Variants in KDM5B observed in about 807,000 individuals in gnomAD.
KDM5B encodes the protein lysine demethylase 5B, also known as lysine-specific demethylase 5B.
In KDM5B, 144 loss-of-function variants were observed where a neutral mutation model predicts 193.4. The ratio of observed to expected loss-of-function variants is 0.74; its 90% CI spans 0.65 to 0.86. The LOEUF is 0.86. Among genes scored for constraint, KDM5B ranks in the 40% least tolerant of loss-of-function variants. The pLI is 0.00. For synonymous variants in KDM5B, 668 were observed against 682.6 expected (o/e 0.98, Z 0.33); for missense variants, 1,833 against 1,886.9 (o/e 0.97, Z 0.53).
At chr1:202,738,442 T>C (rs918389170) in intron 20 of KDM5B, among the ~76,000 whole-genome samples, 1 of 152,228 alleles carries the variant, frequency 6.6e-6, no homozygotes, top group African/African-American at 2.4e-5. Context: ...TTTATGTCCA[T>C]AGTAAATACT....
At chr1:202,765,170 G>C (rs1266766032) in intron 5 of KDM5B, among the ~76,000 whole-genome samples, 1 of 152,112 alleles carries the variant, frequency 6.6e-6, no homozygotes, top group Non-Finnish European at 1.5e-5. Flanking sequence ...AGGTCTGTCA[G>C]TATTTACAGA....
At position 202,785,603 on chromosome 1, in the gene KDM5B, A is replaced by T. The variant is rs188068855; in HGVS notation, c.205-8509T>A. On this transcript the variant is annotated intron_variant, in intron 1 of 26. Transcript: ENST00000367265. Reference sequence around the variant, plus strand: ...CCTCAGACAACATTTACTTTATTTAAGTAAATGGTCAAAAAATATTAGTTT... The same window carrying T: ...CCTCAGACAACATTTACTTTATTTATGTAAATGGTCAAAAAATATTAGTTT... 5.9e-5 allele frequency among the ~76,000 whole-genome samples: 9 copies of T among 152,332 alleles called. No individual in the cohort carries two copies. The South Asian group carries it at 6.2e-4, about 11-fold the overall frequency.
At chr1:202,783,978 G>C (rs1181666804) in intron 1 of KDM5B, among the ~76,000 whole-genome samples, 1 of 152,150 alleles carries the variant, frequency 6.6e-6, no homozygotes, top group Middle Eastern at 3.2e-3. Context: ...ATCCTCAGAG[G>C]CCTGAGAAAC....
chr1:202,806,786 G>A (rs925275608), intron 1 of KDM5B: 4 of 152,138 alleles, frequency 2.6e-5, no homozygotes, highest in African/African-American at 9.7e-5. Flanking sequence ...GGGAGAAAGG[G>A]GTGGGAAGGG....
At chr1:202,761,560 T>C (rs967880571) in intron 7 of KDM5B, among the ~76,000 whole-genome samples, 1 of 152,190 alleles carries the variant, frequency 6.6e-6, no homozygotes, top group African/African-American at 2.4e-5. Context: ...ACTCACATGT[T>C]GAAGTCCTAA....
intron 5 of KDM5B, chr1:202,766,517 A>AG: frequency 2.3e-6 from 1 of 437,674 alleles, no homozygotes; most frequent in Non-Finnish European, 4.5e-6. Context: ...AAAAAAAAAA[A>AG]AAGAAGTCTG....
chr1:202,778,680 TGAC>T (rs1558509055), intron 1 of KDM5B, among the ~76,000 whole-genome samples: 1 of 152,226 alleles, frequency 6.6e-6, no homozygotes, highest in African/African-American at 2.4e-5. Flanking sequence ...TGGAGTACAA[TGAC>T]GTGACCTCAG....
At chr1:202,770,726 T>A (rs1656678084) in intron 4 of KDM5B, among the ~76,000 whole-genome samples, 1 of 152,186 alleles carries the variant, frequency 6.6e-6, no homozygotes, top group African/African-American at 2.4e-5. Context: ...AACAGTACAC[T>A]TGAATTTGTG....
chr1:202,766,506 T>TAAA (rs747461789), intron 5 of KDM5B: 32 of 394,218 alleles, frequency 8.1e-5, no homozygotes, highest in East Asian at 4.0e-4. Flanking sequence ...ACTCTGTCTC[T>TAAA]AAAAAAAAAA....
intron 20 of KDM5B, among the ~76,000 whole-genome samples, chr1:202,738,850 A>G (rs1354643172): frequency 6.6e-6 from 1 of 152,228 alleles, no homozygotes; most frequent in East Asian, 1.9e-4. Flanking sequence ...TTGTACCTTA[A>G]CAATGCTACA....
chr1:202,769,028 TTC>T (rs1307284844), intron 4 of KDM5B, among the ~76,000 whole-genome samples: 1 of 145,984 alleles, frequency 6.9e-6, no homozygotes, highest in East Asian at 2.0e-4. Context: ...GCCTATTATA[TTC>T]TTTTTTTTTC....
chr1:202,731,035 C>T lies in KDM5B; in HGVS notation c.4050G>A (p.Leu1350=). 4.3e-6 allele frequency: 7 copies of T among 1,612,930 alleles called. No homozygotes were observed. Among genetic ancestry groups the T allele is most frequent in the Non-Finnish European group, 5.9e-6 (7 of 1,179,334 alleles). Residue 1350 remains leucine (L), a synonymous_variant, in exon 25 of 27, where the codon TTG becomes TTA. Coordinates refer to ENST00000367265, the MANE Select transcript of KDM5B (RefSeq NM_006618.5). ...ATACCTGGAGCAGCTGGGCTTCCAT[C>T]AATAGTTCATTCACTTCTGGACTAA... The part of the protein sequence containing the change: ...HGVSPEVNEL[L]MEAQLLQVSL...
intron 11 of KDM5B, among the ~76,000 whole-genome samples, chr1:202,754,528 AAG>A (rs1655932881): frequency 6.6e-6 from 1 of 152,084 alleles, no homozygotes; most frequent in South Asian, 2.1e-4. Context: ...AACACAACAA[AAG>A]AGAGGCTAGT....
At chr1:202,785,651 C>G (rs1474196294) in intron 1 of KDM5B, among the ~76,000 whole-genome samples, 1 of 152,138 alleles carries the variant, frequency 6.6e-6, no homozygotes. Flanking sequence ...GTGGCTCACG[C>G]CTGTAATCTC....
Position 202,728,759 on chromosome 1 carries a change from A to C in KDM5B, c.*277T>G, listed in dbSNP as rs143095208. On this transcript the variant is annotated 3_prime_UTR_variant, in exon 27 of 27. Transcript: ENST00000367265. ...AGGTGCAAGCTTCAATGCCTTCCAA[A>C]TTGGTGGGAACCCCTGCAAAAAAAA... 5.3e-4 allele frequency: 173 copies of C among 328,912 alleles called. No individual in the cohort carries two copies. The highest frequency in any genetic ancestry group is 3.4e-3 in the African/African-American group (164 of 47,832). The allele number at this position is 328,912 out of a possible 1,614,324, so 20.4% of individuals were successfully genotyped here.
chr1:202,766,637 G>A (rs1558501387), intron 5 of KDM5B: 2 of 474,560 alleles, frequency 4.2e-6, no homozygotes, highest in Admixed American at 3.6e-5. Flanking sequence ...TGAGGGTAAT[G>A]GGCAATCCAA....
At chr1:202,776,238 T>G (rs1006712206) in intron 2 of KDM5B, 2 of 151,904 alleles carry the variant, frequency 1.3e-5, no homozygotes, top group Admixed American at 6.6e-5. Flanking sequence ...ACAAAAAAAG[T>G]AAAAATTTTA....
In KDM5B at chr1:202,808,112, C is replaced by A; in HGVS notation, c.194G>T (p.Arg65Leu). ...IAEQTGICKV[R>L]PPPDWQPPFA... ...GCTGGCGTGACTCACCGGCGGCGGC[C>A]GCACCTTACAGATGCCAGTCTGCTC... Residue 65 changes from arginine (R) to leucine (L), a missense_variant, in exon 1 of 27, where the codon CGG becomes CTG. Transcript: ENST00000367265. 6.2e-7 allele frequency: 1 copy of A among 1,610,858 alleles called. No individual in the cohort carries two copies. The highest frequency in any genetic ancestry group is 8.5e-7 in the Non-Finnish European group (1 of 1,178,890).
chr1:202,808,280 G>C lies in KDM5B; in HGVS notation c.26C>G (p.Pro9Arg). The C allele has an allele frequency of 1.2e-6, 2 of 1,606,560 alleles. No homozygotes were observed. The highest frequency in any genetic ancestry group is 1.7e-6 in the Non-Finnish European group (2 of 1,177,308). Residue 9 changes from proline (P) to arginine (R), a missense_variant, in exon 1 of 27, where the codon CCA (proline) becomes CGA (arginine). Pro to Arg is a moderately radical substitution (Grantham distance 103). Transcript: ENST00000367265. MEAATTLH[P>R]GPRPALPLGG... ...GAGGGGCAGCGCCGGGCGCGGGCCT[G>C]GGTGCAGTGTGGTGGCCGCCTCCAT...
Sources: allele counts gnomAD v4.1 joint callset (sites outside exome capture counted in the v4.1 genomes callset), GRCh38; gene constraint gnomAD v4.1.1; transcripts MANE v1.5; gene names NCBI Gene and HGNC (gene_info 2026-07-23, HGNC 2026-07-21).